MED12L: variants seen among roughly 807,000 people sequenced by gnomAD.
MED12L encodes the protein mediator complex subunit 12L, also known as mediator of RNA polymerase II transcription subunit 12-like protein.
In MED12L, 60 loss-of-function variants were observed where a neutral mutation model predicts 281.3. The observed-to-expected ratio is 0.21, with a 90% CI of 0.17 to 0.26. MED12L has a LOEUF of 0.26. Among genes scored for constraint, MED12L ranks in the 10% least tolerant of loss-of-function variants. The probability of loss-of-function intolerance (pLI) is 1.00; values close to 1 mark genes in which losing one functional copy is unlikely to be tolerated. For synonymous variants in MED12L, 974 were observed against 987.2 expected (o/e 0.99, Z 0.25); for missense variants, 2,146 against 2,680.9 (o/e 0.80, Z 4.41).
chr3:151,204,162 G>T (rs1430298058), intron 16 of MED12L, among the ~76,000 whole-genome samples: 2 of 152,130 alleles, frequency 1.3e-5, no homozygotes, highest in Non-Finnish European at 2.9e-5. Context: ...TTAGGGTCTG[G>T]TTTCTTCTAA....
At chr3:151,409,363 G>A in intron 40 of MED12L, 31 bp downstream of exon 40, 1 of 1,601,866 alleles carries the variant, frequency 6.2e-7, no homozygotes, top group Non-Finnish European at 8.6e-7. Flanking sequence ...GGTACTGACA[G>A]GATTTTCAAA....
chr3:151,419,302 G>A (rs768328823), intron 43 of MED12L, among the ~76,000 whole-genome samples: 3 of 152,348 alleles, frequency 2.0e-5, no homozygotes, highest in Non-Finnish European at 4.4e-5. Flanking sequence ...ACAATAGGCT[G>A]TCTGCTGGCT....
At chr3:151,376,355 G>C (rs761373638) in intron 28 of MED12L, 141 bp downstream of exon 28, 4 of 668,846 alleles carry the variant, frequency 6.0e-6, no homozygotes, top group Non-Finnish European at 2.3e-6. Flanking sequence ...CTGTGGAATT[G>C]ACATACTTTA....
At chr3:151,413,937 C>T (rs1186833769) in intron 42 of MED12L, among the ~76,000 whole-genome samples, 2 of 151,904 alleles carry the variant, frequency 1.3e-5, no homozygotes, top group African/African-American at 2.4e-5. Flanking sequence ...ACAACCTCCA[C>T]CTCCCGGGTT....
chr3:151,303,308 C>T (rs1356883851), intron 16 of MED12L, among the ~76,000 whole-genome samples: 1 of 152,084 alleles, frequency 6.6e-6, no homozygotes, highest in Non-Finnish European at 1.5e-5. Context: ...TGGTTGATTT[C>T]ATGATGCCTG....
intron 16 of MED12L, among the ~76,000 whole-genome samples, chr3:151,246,342 G>A (rs2149416575): frequency 6.6e-6 from 1 of 152,124 alleles, no homozygotes; most frequent in East Asian, 1.9e-4. Context: ...AACAAAGCTG[G>A]AGGCATCACG....
chr3:151,128,068 G>C lies in MED12L; in HGVS notation c.556+84G>C, dbSNP rs1398813183. 69 of 1,243,654 alleles carry C rather than the reference G, an allele frequency of 5.5e-5. No homozygotes were observed. The Admixed American group carries it at 9.7e-4, about 18-fold the overall frequency. The allele number at this position is 1,243,654 out of a possible 1,614,324, so 77.0% of individuals were successfully genotyped here. On this transcript the variant is annotated intron_variant, in intron 5 of 44. Transcript: ENST00000687756. ...GCCTGTACCCTCTGGATACAGCCCAGCATGGTGAGTGTTGAGAAGGTCCGT... is the reference window on the plus strand; with the variant it reads ...GCCTGTACCCTCTGGATACAGCCCACCATGGTGAGTGTTGAGAAGGTCCGT...
rs917681634 is a variant in MED12L, at chr3:151,384,931, G to A, written c.4927-99G>A. 3 of 753,364 alleles carry A rather than the reference G, an allele frequency of 4.0e-6. No individual in the cohort carries two copies. The African/African-American group carries it at 5.3e-5, about 13-fold the overall frequency. The allele number at this position is 753,364 out of a possible 1,614,324, so 46.7% of individuals were successfully genotyped here. On this transcript the variant is annotated intron_variant, in intron 35 of 44. Coordinates refer to ENST00000687756, the MANE Select transcript of MED12L (RefSeq NM_001393769.1). ...AAGAACATGCGCTAAGCTATAAAAA[G>A]GGAAATGTTTCATAGGGGAACTTCC...
At chr3:151,350,228 G>A (rs1327602484) in intron 17 of MED12L, 22 bp downstream of exon 17, 1 of 1,608,644 alleles carries the variant, frequency 6.2e-7, no homozygotes, top group African/African-American at 1.3e-5. Context: ...TAATGCATTT[G>A]CTCCCATTGT....
intron 6 of MED12L, 102 bp downstream of exon 6, chr3:151,156,432 C>G (rs1348824555): frequency 3.6e-6 from 4 of 1,100,854 alleles, no homozygotes; most frequent in Non-Finnish European, 5.1e-6. Context: ...TTTACATGAA[C>G]CAATACATTC....
intron 16 of MED12L, among the ~76,000 whole-genome samples, chr3:151,301,525 C>T (rs1745923166): frequency 1.3e-5 from 2 of 152,136 alleles, no homozygotes; most frequent in Admixed American, 1.3e-4. Flanking sequence ...TTATATTTCT[C>T]ATAAAGGATT....
chr3:151,317,046 T>G (rs1015838135), intron 16 of MED12L: 20 of 152,144 alleles, frequency 1.3e-4, no homozygotes, highest in Non-Finnish European at 1.8e-4. Context: ...TTAGGTCATT[T>G]TTTTTTTCCA....
chr3:151,380,240 A>G lies in MED12L; in HGVS notation c.4590+16A>G, dbSNP rs1258787022. The G allele has an allele frequency of 2.1e-6, 3 of 1,459,476 alleles. No individual in the cohort carries two copies. Among genetic ancestry groups the G allele is most frequent in the East Asian group, 4.6e-5 (2 of 43,372 alleles). 90.4% of individuals were successfully genotyped at this position (1,459,476 alleles called of 1,614,324 possible). A position where few individuals can be genotyped will look rare whatever the true frequency, so the allele number is the denominator to read the frequency against. ...AGTTAACCAGGTAAAGTATAGTATA[A>G]TATTAAGACAGGCAAATATCTTTCT... On this transcript the variant is annotated intron_variant, in intron 32 of 44. Coordinates refer to ENST00000687756, the MANE Select transcript of MED12L (RefSeq NM_001393769.1).
intron 16 of MED12L, among the ~76,000 whole-genome samples, chr3:151,333,859 C>T (rs1750627859): frequency 6.6e-6 from 1 of 151,888 alleles, no homozygotes; most frequent in Non-Finnish European, 1.5e-5. Context: ...ATGAGTGGAT[C>T]ATGAGGTCAG....
chr3:151,321,015 G>T (rs960641956), intron 16 of MED12L, among the ~76,000 whole-genome samples: 4 of 152,106 alleles, frequency 2.6e-5, no homozygotes, highest in African/African-American at 9.7e-5. Flanking sequence ...AACTTGGTTG[G>T]CATTTAAGGG....
At chr3:151,294,737 G>A in intron 16 of MED12L, 1 of 1,614,114 alleles carries the variant, frequency 6.2e-7, no homozygotes, top group Non-Finnish European at 8.5e-7. Context: ...AGACAAAACA[G>A]CCATGATCAC....
In MED12L at chr3:151,285,320, T is replaced by TA. The variant is rs1372602190; in HGVS notation, c.2251-64733dup. ...TAACACGGTGAAACCCCGTCTCTAC[T>TA]AAAAAATACAAAAAATTAGCCGGGT... On this transcript the variant is annotated intron_variant, in intron 16 of 44. Coordinates refer to ENST00000687756, the MANE Select transcript of MED12L (RefSeq NM_001393769.1). Among the ~76,000 whole-genome samples, 9 of 151,786 alleles carry TA rather than the reference T, an allele frequency of 5.9e-5. No homozygotes were observed. The East Asian group carries it at 1.4e-3, about 23-fold the overall frequency.
intron 16 of MED12L, among the ~76,000 whole-genome samples, chr3:151,267,990 A>G (rs1447770082): frequency 6.6e-6 from 1 of 152,214 alleles, no homozygotes; most frequent in Non-Finnish European, 1.5e-5. Context: ...AGTAAAATGG[A>G]CAAGGGTAAT....
At chr3:151,294,837 T>C (rs1377778011) in intron 16 of MED12L, 2 of 1,614,138 alleles carry the variant, frequency 1.2e-6, no homozygotes, top group East Asian at 2.2e-5. Flanking sequence ...TAGCGATCAA[T>C]GCTTATCAGC....
Sources: allele counts gnomAD v4.1 joint callset (sites outside exome capture counted in the v4.1 genomes callset), GRCh38; gene constraint gnomAD v4.1.1; transcripts MANE v1.5; gene names NCBI Gene and HGNC (gene_info 2026-07-23, HGNC 2026-07-21).